RNF150: variants seen among roughly 807,000 people sequenced by gnomAD.
The protein encoded by RNF150 is ring finger protein 150.
Under a neutral mutation model 39.3 loss-of-function variants are expected in RNF150, and 24 were observed. That is an observed-to-expected ratio of 0.61 (90% CI 0.44 to 0.86). The LOEUF is 0.86. Ranked by LOEUF, RNF150 falls within the 40% of genes least tolerant of loss-of-function variation. RNF150 has a pLI of 0.00. For synonymous variants in RNF150, 255 were observed against 227.3 expected, an observed-to-expected ratio of 1.12 and a Z score of -1.10; for missense variants, 502 against 587.8, an observed-to-expected ratio of 0.85 and a Z score of 1.51.
Position 141,132,446 on chromosome 4 carries a change from G to A in RNF150, c.363C>T (p.Ile121=), listed in dbSNP as rs758012102. 1.8e-5 allele frequency: 29 copies of A among 1,610,634 alleles called. No individual in the cohort carries two copies. The highest frequency in any genetic ancestry group is 1.1e-4 in the African/African-American group (8 of 74,934). Residue 121 remains isoleucine, a synonymous_variant, in exon 1 of 7, where the codon ATC becomes ATT. Transcript: ENST00000515673. The surrounding 1 kb of genome is among the most constrained non-coding windows in gnomAD (Gnocchi z 4.9). ...PTRGKNWIAL[I]PKGNCTYRDK... Reference sequence around the variant, plus strand: ...CCCTGTACGTGCAGTTGCCCTTGGGGATGAGGGCTATCCAGTTCTTGCCGC... The same window carrying A: ...CCCTGTACGTGCAGTTGCCCTTGGGAATGAGGGCTATCCAGTTCTTGCCGC...
intron 4 of RNF150, among the ~76,000 whole-genome samples, chr4:140,947,193 C>G (rs529103110): frequency 1.8e-4 from 27 of 151,980 alleles, no homozygotes; most frequent in Admixed American, 1.6e-3. Flanking sequence ...AATGAAAGGG[C>G]ATGGGATCTG....
chr4:141,205,057 A>T (rs1295648879), intron 1 of RNF150, among the ~76,000 whole-genome samples: 1 of 152,216 alleles, frequency 6.6e-6, no homozygotes, highest in East Asian at 1.9e-4. Context: ...AAATATTGAC[A>T]CGCTTTTTAA....
chr4:141,033,354 T>C (rs1386209190), intron 1 of RNF150, among the ~76,000 whole-genome samples: 2 of 152,334 alleles, frequency 1.3e-5, no homozygotes, highest in East Asian at 3.9e-4. Context: ...TTCAGTTACA[T>C]CTTTAGACTC....
intron 5 of RNF150, among the ~76,000 whole-genome samples, chr4:140,922,848 T>C (rs961711085): frequency 1.3e-5 from 2 of 150,906 alleles, no homozygotes; most frequent in African/African-American, 5.0e-5. Context: ...TTGACAAACC[T>C]GACAAAAACC....
intron 1 of RNF150, among the ~76,000 whole-genome samples, chr4:141,056,912 C>A (rs1400456452): frequency 6.6e-6 from 1 of 152,012 alleles, no homozygotes; most frequent in Non-Finnish European, 1.5e-5. Context: ...ATCTAAAATG[C>A]ATAACTGTTT....
chr4:140,938,078 T>G (rs1459233738), intron 4 of RNF150, among the ~76,000 whole-genome samples: 1 of 152,184 alleles, frequency 6.6e-6, no homozygotes, highest in Non-Finnish European at 1.5e-5. Flanking sequence ...ATAATCGGAA[T>G]CCTCATCACA....
intron 1 of RNF150, among the ~76,000 whole-genome samples, chr4:140,999,788 A>T (rs1734507023): frequency 6.6e-6 from 1 of 151,654 alleles, no homozygotes; most frequent in African/African-American, 2.4e-5. Context: ...TACAATAATT[A>T]GCCAGGTGTG....
intron 1 of RNF150, among the ~76,000 whole-genome samples, chr4:141,128,988 G>A (rs1726825688): frequency 6.6e-6 from 1 of 152,222 alleles, no homozygotes; most frequent in Non-Finnish European, 1.5e-5. Context: ...ATGAGGCTGT[G>A]GAGAAATTGG....
rs777164803 is a variant in RNF150, at chr4:140,899,970, C to CTGTG, written c.1198+11173_1198+11174insCACA. ...TCTCTCTCTCTCTCTCTCTCTCTCT[C>CTGTG]TCTCTGTGTGTGTGTGTGTGTGTGT... On this transcript the variant is annotated intron_variant, in intron 6 of 6. Transcript: ENST00000515673. 1.4e-3 allele frequency among the ~76,000 whole-genome samples: 194 copies of CTGTG among 135,378 alleles called. 1 individual carries two copies. Among genetic ancestry groups the CTGTG allele is most frequent in the African/African-American group, 5.7e-3 (193 of 34,130 alleles). 88.8% of individuals were successfully genotyped at this position (135,378 alleles called of 152,430 possible).
At chr4:140,943,300 A>G (rs1021909371) in intron 4 of RNF150, among the ~76,000 whole-genome samples, 6 of 152,224 alleles carry the variant, frequency 3.9e-5, no homozygotes, top group Non-Finnish European at 8.8e-5. Context: ...TGTATGTGAA[A>G]AGAACAGGAT....
chr4:140,889,097 G>A (rs1202533047), intron 6 of RNF150, among the ~76,000 whole-genome samples: 1 of 151,796 alleles, frequency 6.6e-6, no homozygotes, highest in Non-Finnish European at 1.5e-5. Context: ...TGCCCAGGGT[G>A]GTCTGAAACT....
chr4:141,054,979 A>G (rs1435722464), intron 1 of RNF150, among the ~76,000 whole-genome samples: 1 of 152,198 alleles, frequency 6.6e-6, no homozygotes, highest in Non-Finnish European at 1.5e-5. Context: ...TTTAAAATTC[A>G]CACACATAAA....
At chr4:140,896,863 G>A (rs979821767) in intron 6 of RNF150, among the ~76,000 whole-genome samples, 3 of 151,978 alleles carry the variant, frequency 2.0e-5, no homozygotes, top group Non-Finnish European at 4.4e-5. Context: ...GGTCGGGGAT[G>A]TTTCATGAGC....
chr4:140,867,568 A>C lies in RNF150; in HGVS notation c.*693T>G, dbSNP rs1728758679. 1 of 152,194 alleles carries C rather than the reference A, an allele frequency of 6.6e-6. No homozygotes were observed. The highest frequency in any genetic ancestry group is 2.4e-5 in the African/African-American group (1 of 41,436). The allele number at this position is 152,194 out of a possible 1,614,324, so 9.4% of individuals were successfully genotyped here. ...AGCAAGTGTGATGTGGCTTAAAATAACCAGCAGTGGCCTCAGCAGATTTAG... is the reference window on the plus strand; with the variant it reads ...AGCAAGTGTGATGTGGCTTAAAATACCCAGCAGTGGCCTCAGCAGATTTAG... On this transcript the variant is annotated 3_prime_UTR_variant, in exon 7 of 7. Transcript: ENST00000515673.
intron 1 of RNF150, among the ~76,000 whole-genome samples, chr4:141,045,793 C>T (rs1049068243): frequency 7.2e-5 from 11 of 152,140 alleles, no homozygotes; most frequent in Admixed American, 3.9e-4. Context: ...ATCCGCCCAC[C>T]TCAGCCTCTC....
chr4:141,057,189 C>CTTA (rs1737011591), intron 1 of RNF150, among the ~76,000 whole-genome samples: 3 of 152,036 alleles, frequency 2.0e-5, no homozygotes, highest in Admixed American at 2.0e-4. Flanking sequence ...GTACTTAAAA[C>CTTA]AGTGCCTTGC....
chr4:140,867,532 C>T lies in RNF150; in HGVS notation c.*729G>A, dbSNP rs184022683. On this transcript the variant is annotated 3_prime_UTR_variant, in exon 7 of 7. Coordinates refer to ENST00000515673, the MANE Select transcript of RNF150 (RefSeq NM_020724.2). ...TGTCACGTGGGCCCTTAATCAAGCC[C>T]GGCAAGTGGAAGCAAGTGTGATGTG... 3 of 152,260 alleles carry T rather than the reference C, an allele frequency of 2.0e-5. No individual in the cohort carries two copies. Among genetic ancestry groups the T allele is most frequent in the Admixed American group, 1.3e-4 (2 of 15,286 alleles). The allele number at this position is 152,260 out of a possible 1,614,324, so 9.4% of individuals were successfully genotyped here. A position where few individuals can be genotyped will look rare whatever the true frequency, so the allele number is the denominator to read the frequency against.
intron 1 of RNF150, among the ~76,000 whole-genome samples, chr4:141,000,899 C>A (rs1309471509): frequency 6.6e-6 from 1 of 152,120 alleles, no homozygotes; most frequent in Non-Finnish European, 1.5e-5. Context: ...AGTATAAAAC[C>A]TTTTCAGCTG....
At chr4:141,163,580 C>A (rs1446238699) in intron 1 of RNF150, among the ~76,000 whole-genome samples, 10 of 152,200 alleles carry the variant, frequency 6.6e-5, no homozygotes, top group Admixed American at 6.5e-4. Context: ...GCAGGTGCCA[C>A]CCTCGGATGA....
Sources: gnomAD v4.1 joint callset for allele counts (sites outside exome capture counted in the v4.1 genomes callset) on GRCh38, gnomAD v4.1.1 for gene constraint, Gnocchi (gnomAD v3.1) non-coding constraint, MANE v1.5 for transcripts, NCBI Gene and HGNC (gene_info 2026-07-23, HGNC 2026-07-21) for gene names.